Variants in NCKAP5 observed in about 807,000 individuals in gnomAD.
NCKAP5 encodes nck-associated protein 5.
Under a neutral mutation model 167.0 loss-of-function variants are expected in NCKAP5, and 92 were observed. That is an observed-to-expected ratio of 0.55 (90% CI 0.47 to 0.66). NCKAP5 has a LOEUF of 0.66. Among genes scored for constraint, NCKAP5 ranks in the 30% least tolerant of loss-of-function variants. The pLI is 0.00. For missense variants in NCKAP5, 2,378 were observed against 2,315.0 expected (o/e 1.03, Z -0.56); for synonymous variants, 891 against 877.4 (o/e 1.02, Z -0.27).
At chr2:133,364,290 T>C (rs892843279) in intron 3 of NCKAP5, among the ~76,000 whole-genome samples, 5 of 152,188 alleles carry the variant, frequency 3.3e-5, no homozygotes, top group African/African-American at 9.6e-5. Context: ...AAGATAAATG[T>C]AATGTCTTAT....
chr2:133,616,647 G>C, the NCKAP5 span, among the ~76,000 whole-genome samples: 4 of 152,022 alleles, frequency 2.6e-5, no homozygotes, highest in African/African-American at 9.7e-5. Context: ...AGCTGAAATT[G>C]TGGCAATAAT....
intron 3 of NCKAP5, among the ~76,000 whole-genome samples, chr2:133,412,439 G>A (rs1004938119): frequency 2.6e-5 from 4 of 152,126 alleles, no homozygotes; most frequent in African/African-American, 9.7e-5. Context: ...CAGTGTGGGT[G>A]CGAGGCTCTG....
Position 133,165,808 on chromosome 2 carries a change from C to T in NCKAP5, c.208-35697G>A, listed in dbSNP as rs142427131. Among the ~76,000 whole-genome samples, 265 of 152,242 alleles carry T rather than the reference C, an allele frequency of 1.7e-3. 1 individual carries two copies. Among genetic ancestry groups the T allele is most frequent in the African/African-American group, 6.2e-3 (257 of 41,534 alleles). On this transcript the variant is annotated intron_variant, in intron 5 of 19. Transcript: ENST00000409261. ...TAGATCCCCTGGTAGAAATCCTAAG[C>T]CTTTTGTTCTCATAAAAGGAAGATA...
intron 6 of NCKAP5, among the ~76,000 whole-genome samples, chr2:133,063,253 A>T (rs2080073221): frequency 6.6e-6 from 1 of 152,218 alleles, no homozygotes; most frequent in Non-Finnish European, 1.5e-5. Context: ...AAATGGAGAC[A>T]TGATTCCAAA....
At chr2:133,011,963 C>G (rs2078175547) in intron 6 of NCKAP5, among the ~76,000 whole-genome samples, 1 of 152,116 alleles carries the variant, frequency 6.6e-6, no homozygotes, top group African/African-American at 2.4e-5. Flanking sequence ...TGCTTCCATT[C>G]TCTCTTTTCT....
chr2:132,914,457 T>C (rs1295305682), intron 8 of NCKAP5, among the ~76,000 whole-genome samples: 1 of 152,060 alleles, frequency 6.6e-6, no homozygotes, highest in Non-Finnish European at 1.5e-5. Context: ...AACTGATCTA[T>C]TTTTTAAGTA....
intron 3 of NCKAP5, among the ~76,000 whole-genome samples, chr2:133,393,131 A>G (rs1687522417): frequency 6.6e-6 from 1 of 152,218 alleles, no homozygotes; most frequent in Non-Finnish European, 1.5e-5. Context: ...TGGATGTTAT[A>G]CCAGAGATGT....
intron 6 of NCKAP5, among the ~76,000 whole-genome samples, chr2:133,091,148 C>A (rs2081165244): frequency 6.6e-6 from 1 of 152,166 alleles, no homozygotes; most frequent in African/African-American, 2.4e-5. Flanking sequence ...TGAGGCCTCC[C>A]TAACCATGCT....
chr2:133,649,465 T>C, the NCKAP5 span, among the ~76,000 whole-genome samples: 2 of 151,716 alleles, frequency 1.3e-5, no homozygotes, highest in African/African-American at 4.8e-5. Context: ...CCTTAATAAA[T>C]ATAAATGCAA....
intron 5 of NCKAP5, among the ~76,000 whole-genome samples, chr2:133,203,233 C>G (rs2085784232): frequency 6.6e-6 from 1 of 152,124 alleles, no homozygotes; most frequent in Admixed American, 6.5e-5. Context: ...AGTTCATGTC[C>G]TTTGTAGGGA....
At chr2:133,045,727 C>A (rs914845484) in intron 6 of NCKAP5, among the ~76,000 whole-genome samples, 1 of 152,122 alleles carries the variant, frequency 6.6e-6, no homozygotes, top group Non-Finnish European at 1.5e-5. Context: ...TAAACTAGAA[C>A]CATTATAACA....
intron 11 of NCKAP5, among the ~76,000 whole-genome samples, chr2:132,817,593 T>C (rs1460305849): frequency 1.3e-5 from 2 of 152,180 alleles, no homozygotes; most frequent in African/African-American, 4.8e-5. Context: ...TAAGAGCAAC[T>C]CACAATTCTC....
chr2:133,478,699 C>A (rs1371859695), intron 3 of NCKAP5, among the ~76,000 whole-genome samples: 2 of 152,158 alleles, frequency 1.3e-5, no homozygotes, highest in Non-Finnish European at 2.9e-5. Context: ...ACTACCCTTA[C>A]CCTAGTCAAC....
At chr2:133,302,705 G>A (rs191835870) in intron 4 of NCKAP5, among the ~76,000 whole-genome samples, 2,571 of 143,172 alleles carry the variant, frequency 0.018, 61 homozygotes, top group African/African-American at 0.064. Context: ...TGGGTGCAGC[G>A]CACCAGCATG....
the NCKAP5 span, among the ~76,000 whole-genome samples, chr2:133,621,062 C>A: frequency 6.6e-6 from 1 of 152,088 alleles, no homozygotes; most frequent in African/African-American, 2.4e-5. Flanking sequence ...TTAAAAATTT[C>A]TTTGAATTGA....
chr2:132,872,927 T>C (rs931302151), intron 9 of NCKAP5, among the ~76,000 whole-genome samples: 2 of 151,874 alleles, frequency 1.3e-5, no homozygotes, highest in African/African-American at 4.8e-5. Flanking sequence ...AGCCATAAAA[T>C]AGGGGAGCTG....
At chr2:132,933,143 T>G (rs552384584) in intron 8 of NCKAP5, among the ~76,000 whole-genome samples, 1 of 152,080 alleles carries the variant, frequency 6.6e-6, no homozygotes, top group East Asian at 1.9e-4. Flanking sequence ...GCCAGGATGG[T>G]CTCGATCTTC....
intron 8 of NCKAP5, among the ~76,000 whole-genome samples, chr2:132,913,815 T>A (rs1223967743): frequency 6.6e-6 from 1 of 152,192 alleles, no homozygotes; most frequent in Non-Finnish European, 1.5e-5. Flanking sequence ...CATATTGAAG[T>A]GCATGGAGAA....
chr2:133,421,963 C>A (rs1574927723), intron 3 of NCKAP5, among the ~76,000 whole-genome samples: 1 of 152,212 alleles, frequency 6.6e-6, no homozygotes, highest in Non-Finnish European at 1.5e-5. Flanking sequence ...CATTTCTTTC[C>A]ACATGTACTC....
Sources: gnomAD v4.1 joint callset for allele counts (sites outside exome capture counted in the v4.1 genomes callset) on GRCh38, gnomAD v4.1.1 for gene constraint, MANE v1.5 for transcripts, NCBI Gene and HGNC (gene_info 2026-07-23, HGNC 2026-07-21) for gene names.